The following PLGRKT variants were observed in gnomAD, a reference collection of about 807,000 sequenced individuals.
PLGRKT encodes the protein plasminogen receptor with a C-terminal lysine, also known as plasminogen receptor (KT).
Under a neutral mutation model 18.5 loss-of-function variants are expected in PLGRKT, and 22 were observed. The ratio of observed to expected loss-of-function variants is 1.19; its 90% CI spans 0.85 to 1.70. The LOEUF is 1.70. Among genes scored for constraint, PLGRKT ranks in the 40% most tolerant of loss-of-function variants. The pLI, the probability that PLGRKT is intolerant of heterozygous loss-of-function variation, is 0.00. For synonymous variants in PLGRKT, 72 were observed against 52.8 expected (o/e 1.36, Z -1.58); for missense variants, 235 against 174.4 (o/e 1.35, Z -1.96).
chr9:5,404,829 G>C (rs1349247447), intron 3 of PLGRKT, among the ~76,000 whole-genome samples: 1 of 152,124 alleles, frequency 6.6e-6, no homozygotes, highest in Non-Finnish European at 1.5e-5. Context: ...GAAGAGAGGA[G>C]ATCAAATTGT....
intron 3 of PLGRKT, among the ~76,000 whole-genome samples, chr9:5,420,555 T>C (rs1345687856): frequency 6.6e-6 from 1 of 152,028 alleles, no homozygotes; most frequent in African/African-American, 2.4e-5. Flanking sequence ...ATCCAGGAGT[T>C]AAGTCATGCA....
chr9:5,377,255 A>C (rs1817647634), intron 3 of PLGRKT, among the ~76,000 whole-genome samples: 1 of 152,092 alleles, frequency 6.6e-6, no homozygotes, highest in Admixed American at 6.5e-5. Flanking sequence ...AAACTAAAAA[A>C]AAAAAGATAG....
chr9:5,361,735 A>C (rs1817269117), intron 4 of PLGRKT, 23 bp downstream of exon 4: 1 of 1,586,074 alleles, frequency 6.3e-7, no homozygotes, highest in South Asian at 1.2e-5. Flanking sequence ...ATGACTGAAG[A>C]AAATGTTAAA....
intron 3 of PLGRKT, among the ~76,000 whole-genome samples, chr9:5,385,542 C>T (rs556428038): frequency 6.6e-6 from 1 of 151,682 alleles, no homozygotes; most frequent in Non-Finnish European, 1.5e-5. Flanking sequence ...GTTTTGATCC[C>T]CTGACCATTT....
intron 3 of PLGRKT, among the ~76,000 whole-genome samples, chr9:5,404,949 T>C (rs1818227574): frequency 1.3e-5 from 2 of 152,180 alleles, no homozygotes; most frequent in African/African-American, 2.4e-5. Flanking sequence ...GCAAAATCAA[T>C]GTGCAGAAAT....
At chr9:5,361,718 G>C (rs780561021) in intron 4 of PLGRKT, 40 bp downstream of exon 4, 8 of 1,571,836 alleles carry the variant, frequency 5.1e-6, no homozygotes, top group South Asian at 4.7e-5. Flanking sequence ...AACACAAAAA[G>C]AAGTAAATGA....
chr9:5,368,916 G>A (rs1334203189), intron 3 of PLGRKT, among the ~76,000 whole-genome samples: 1 of 152,122 alleles, frequency 6.6e-6, no homozygotes, highest in Non-Finnish European at 1.5e-5. Context: ...GCAGAAAACT[G>A]AAACTGGACC....
chr9:5,390,227 G>T (rs1036428184), intron 3 of PLGRKT, among the ~76,000 whole-genome samples: 8 of 138,652 alleles, frequency 5.8e-5, no homozygotes, highest in African/African-American at 1.8e-4. Flanking sequence ...GTGTGTGTGT[G>T]TGTGTGTGTA....
intron 3 of PLGRKT, among the ~76,000 whole-genome samples, chr9:5,400,825 C>T (rs1818140107): frequency 6.6e-6 from 1 of 151,850 alleles, no homozygotes; most frequent in South Asian, 2.1e-4. Context: ...AATTAGAAAA[C>T]CAACATATTC....
chr9:5,424,718 G>A lies in PLGRKT; in HGVS notation c.81+7179C>T, dbSNP rs562588864. ...CACACAGGGGGGGGAGAGAGGGAGAGACAGAGAGAGAGAGAGAGAAAGAGA... is the reference window on the plus strand; with the variant it reads ...CACACAGGGGGGGGAGAGAGGGAGAAACAGAGAGAGAGAGAGAGAAAGAGA... On this transcript the variant is annotated intron_variant, in intron 3 of 5. Transcript: ENST00000223864. Among the ~76,000 whole-genome samples the A allele has an allele frequency of 7.9e-3, 1,028 of 130,338 alleles. 31 individuals are homozygous for A. Among genetic ancestry groups the A allele is most frequent in the African/African-American group, 0.032 (998 of 30,750 alleles). 85.5% of individuals were successfully genotyped at this position (130,338 alleles called of 152,430 possible).
In PLGRKT at chr9:5,418,806, G is replaced by T; in HGVS notation, c.81+13091C>A. On this transcript the variant is annotated intron_variant, in intron 3 of 5. Coordinates refer to ENST00000223864, the MANE Select transcript of PLGRKT (RefSeq NM_018465.4). This position sits in a 1 kb window ranked among gnomAD's most constrained non-coding sequence, Gnocchi z 4.2. Reference sequence around the variant, plus strand: ...ACACGGAGAAGTCAGGGGGCAGCTTGGTGACACCGCTGCACCAGGGGCATC... The same window carrying T: ...ACACGGAGAAGTCAGGGGGCAGCTTTGTGACACCGCTGCACCAGGGGCATC... 1.1e-6 allele frequency: 1 copy of T among 930,266 alleles called. No individual in the cohort carries two copies. Among genetic ancestry groups the T allele is most frequent in the Non-Finnish European group, 1.7e-6 (1 of 579,806 alleles). 57.6% of individuals were successfully genotyped at this position (930,266 alleles called of 1,614,324 possible).
chr9:5,425,352 A>G (rs149604918), intron 3 of PLGRKT, among the ~76,000 whole-genome samples: 3 of 152,222 alleles, frequency 2.0e-5, no homozygotes, highest in Admixed American at 6.5e-5. Context: ...AAATATCATT[A>G]TAACTAGTAG....
At chr9:5,421,997 T>C (rs1268182086) in intron 3 of PLGRKT, among the ~76,000 whole-genome samples, 2 of 152,178 alleles carry the variant, frequency 1.3e-5, no homozygotes, top group African/African-American at 2.4e-5. Context: ...TATTCTGAAA[T>C]TGCTAAATAA....
Position 5,418,304 on chromosome 9 carries a change from A to G in PLGRKT, c.81+13593T>C. 1.9e-6 allele frequency: 1 copy of G among 524,760 alleles called. No homozygotes were observed. The highest frequency in any genetic ancestry group is 3.6e-6 in the Non-Finnish European group (1 of 275,446). The allele number at this position is 524,760 out of a possible 1,614,324, so 32.5% of individuals were successfully genotyped here. On this transcript the variant is annotated intron_variant, in intron 3 of 5. Coordinates refer to ENST00000223864, the MANE Select transcript of PLGRKT (RefSeq NM_018465.4). This position sits in a 1 kb window ranked among gnomAD's most constrained non-coding sequence, Gnocchi z 4.2. Reference sequence around the variant, plus strand: ...GTCGCCCCCTCATCTTCTCACTGGGATCTCATCACCAATGTGCTCAACCCC... The same window carrying G: ...GTCGCCCCCTCATCTTCTCACTGGGGTCTCATCACCAATGTGCTCAACCCC...
At chr9:5,427,126 C>G (rs993088231) in intron 3 of PLGRKT, among the ~76,000 whole-genome samples, 23 of 152,086 alleles carry the variant, frequency 1.5e-4, no homozygotes, top group Non-Finnish European at 7.3e-5. Flanking sequence ...TTTTAAATTA[C>G]CCATCATTCT....
chr9:5,423,115 C>G (rs1385748129), intron 3 of PLGRKT, among the ~76,000 whole-genome samples: 1 of 152,124 alleles, frequency 6.6e-6, no homozygotes, highest in African/African-American at 2.4e-5. Context: ...CATTTGAAGC[C>G]AGACCAATTT....
intron 3 of PLGRKT, among the ~76,000 whole-genome samples, chr9:5,401,808 T>A (rs953229462): frequency 2.6e-5 from 4 of 151,988 alleles, no homozygotes; most frequent in African/African-American, 9.7e-5. Context: ...ACATCAATTT[T>A]TTTATTTTAT....
intron 3 of PLGRKT, among the ~76,000 whole-genome samples, chr9:5,377,289 TAAAC>T (rs1033195013): frequency 6.6e-6 from 1 of 151,916 alleles, no homozygotes; most frequent in Non-Finnish European, 1.5e-5. Context: ...ACTGAAATAT[TAAAC>T]AAGGCTGTTT....
intron 3 of PLGRKT, among the ~76,000 whole-genome samples, chr9:5,383,858 G>T (rs1341709922): frequency 6.6e-6 from 1 of 152,210 alleles, no homozygotes; most frequent in Non-Finnish European, 1.5e-5. Flanking sequence ...CGTGGCCCAG[G>T]GGTTGGGGAT....
Sources: gnomAD v4.1 joint callset for allele counts (sites outside exome capture counted in the v4.1 genomes callset) on GRCh38, gnomAD v4.1.1 for gene constraint, Gnocchi (gnomAD v3.1) non-coding constraint, MANE v1.5 for transcripts, NCBI Gene and HGNC (gene_info 2026-07-23, HGNC 2026-07-21) for gene names.